The following ADARB1 variants were observed in gnomAD, a reference collection of about 807,000 sequenced individuals.
ADARB1 encodes double-stranded RNA-specific editase 1.
ADARB1 carries 10 observed loss-of-function variants against 52.4 expected under a neutral mutation model. That is an observed-to-expected ratio of 0.19 (90% CI 0.12 to 0.32). ADARB1 has a LOEUF of 0.32. Ranked by LOEUF, ADARB1 falls within the 10% of genes least tolerant of loss-of-function variation. The probability of loss-of-function intolerance (pLI) is 1.00; values close to 1 mark genes in which losing one functional copy is unlikely to be tolerated. For synonymous variants in ADARB1, 349 were observed against 371.1 expected (o/e 0.94, Z 0.68); for missense variants, 643 against 922.3 (o/e 0.70, Z 3.92).
chr21:45,155,748 C>G (rs1330912177), intron 2 of ADARB1, among the ~76,000 whole-genome samples: 1 of 104,768 alleles, frequency 9.5e-6, no homozygotes, highest in African/African-American at 3.7e-5. Context: ...CCCATCATCA[C>G]CTATCATCCA....
chr21:45,144,750 AG>A, intron 2 of ADARB1: 1 of 397,800 alleles, frequency 2.5e-6, no homozygotes. Context: ...GCAGTAAGAG[AG>A]CCAGTGCCCC....
chr21:45,078,895 G>A (rs1327600721), intron 1 of ADARB1, among the ~76,000 whole-genome samples: 1 of 152,048 alleles, frequency 6.6e-6, no homozygotes, highest in African/African-American at 2.4e-5. Context: ...CAAAAAGTAG[G>A]CATTATTATC....
rs11701976 is a variant in ADARB1, at chr21:45,224,684, A to G, written c.*2487A>G. 0.66 allele frequency: 594,071 copies of G among 893,922 alleles called. 190,626 individuals are homozygous for G. Among genetic ancestry groups the G allele is most frequent in the African/African-American group, 0.84 (40,556 of 48,038 alleles). 55.4% of individuals were successfully genotyped at this position (893,922 alleles called of 1,614,324 possible). A position where few individuals can be genotyped will look rare whatever the true frequency, so the allele number is the denominator to read the frequency against. ...GGTTCCGGGAGCCCTGGGCCGGGGC[A>G]GGGGGCGGCTGTAGGAAGGAACTGG... On this transcript the variant is annotated 3_prime_UTR_variant, in exon 11 of 11. Coordinates refer to ENST00000348831, the MANE Select transcript of ADARB1 (RefSeq NM_001112.4).
intron 4 of ADARB1, among the ~76,000 whole-genome samples, chr21:45,180,079 A>T (rs1695268870): frequency 6.6e-6 from 1 of 152,068 alleles, no homozygotes; most frequent in Admixed American, 6.5e-5. Context: ...TGGTGCCCAC[A>T]CTCCACACTG....
At chr21:45,178,505 G>C (rs981434365) in intron 4 of ADARB1, among the ~76,000 whole-genome samples, 1 of 152,234 alleles carries the variant, frequency 6.6e-6, no homozygotes, top group African/African-American at 2.4e-5. Flanking sequence ...CCCCAGGATA[G>C]CCCCGGAATG....
At chr21:45,178,853 C>A (rs2091811605) in intron 4 of ADARB1, among the ~76,000 whole-genome samples, 1 of 152,128 alleles carries the variant, frequency 6.6e-6, no homozygotes, top group African/African-American at 2.4e-5. Context: ...GGGTGCTGAG[C>A]CCTGGCCATG....
In ADARB1 at chr21:45,167,656, C is replaced by A. The variant is rs1601728144; in HGVS notation, c.-47-3954C>A. On this transcript the variant is annotated intron_variant, in intron 2 of 10. Transcript: ENST00000348831. ...ATCCCAGCTACTCGGGAGGCTGAGG[C>A]AGGCAGCTTGAACCTGGGAGGTAGA... Among the ~76,000 whole-genome samples, 3 of 152,230 alleles carry A rather than the reference C, an allele frequency of 2.0e-5. No homozygotes were observed. In the East Asian group the frequency reaches 5.8e-4, roughly 29 times the overall value.
Position 45,224,429 on chromosome 21 carries a change from C to T in ADARB1, c.*2232C>T, listed in dbSNP as rs1156857656. On this transcript the variant is annotated 3_prime_UTR_variant, in exon 11 of 11. Coordinates refer to ENST00000348831, the MANE Select transcript of ADARB1 (RefSeq NM_001112.4). ...TGCGGCCTTGAGGACAGGCACAGGG[C>T]ACCCTATCCCAAGCCGTCCAGGCAG... The T allele has an allele frequency of 6.9e-5, 63 of 917,914 alleles. No homozygotes were observed. The highest frequency in any genetic ancestry group is 7.3e-5 in the Non-Finnish European group (59 of 803,872). The allele number at this position is 917,914 out of a possible 1,614,324, so 56.9% of individuals were successfully genotyped here.
intron 1 of ADARB1, among the ~76,000 whole-genome samples, chr21:45,121,838 G>A (rs1460235691): frequency 2.0e-5 from 3 of 152,134 alleles, no homozygotes; most frequent in Non-Finnish European, 4.4e-5. Context: ...GTTGTTTTCT[G>A]TACGTATATG....
In ADARB1 at chr21:45,101,322, C is replaced by T. The variant is rs569721514; in HGVS notation, c.-220+26529C>T. ...CGTGTCCCCGCAGCCCCGCGCCTGG[C>T]GCTGCCAAGCTGCCCAGCGGGCTTT... On this transcript the variant is annotated intron_variant, in intron 1 of 10. Coordinates refer to ENST00000348831, the MANE Select transcript of ADARB1 (RefSeq NM_001112.4). Among the ~76,000 whole-genome samples, 9 of 152,314 alleles carry T rather than the reference C, an allele frequency of 5.9e-5. No individual in the cohort carries two copies. The East Asian group carries it at 1.5e-3, about 26-fold the overall frequency.
At chr21:45,075,075 CGCGCT>C (rs1354903429) in intron 1 of ADARB1, among the ~76,000 whole-genome samples, 2 of 149,512 alleles carry the variant, frequency 1.3e-5, no homozygotes, top group African/African-American at 2.5e-5. Context: ...TGGGATGCGC[CGCGCT>C]GCGCCGCGGG....
At chr21:45,089,154 C>T (rs1211684666) in intron 1 of ADARB1, among the ~76,000 whole-genome samples, 1 of 152,172 alleles carries the variant, frequency 6.6e-6, no homozygotes, top group Non-Finnish European at 1.5e-5. Flanking sequence ...TTTCTGATTT[C>T]GATATATCCT....
chr21:45,126,283 T>C (rs924313894), intron 1 of ADARB1, among the ~76,000 whole-genome samples: 1 of 152,182 alleles, frequency 6.6e-6, no homozygotes, highest in African/African-American at 2.4e-5. Context: ...AGCTGATGTG[T>C]GATGCACTGT....
intron 4 of ADARB1, among the ~76,000 whole-genome samples, chr21:45,178,730 G>T (rs2091805395): frequency 6.6e-6 from 1 of 152,172 alleles, no homozygotes; most frequent in African/African-American, 2.4e-5. Flanking sequence ...GGACTGTGTG[G>T]CATGGGTTTA....
chr21:45,103,101 A>T (rs2087097007), intron 1 of ADARB1, among the ~76,000 whole-genome samples: 2 of 152,282 alleles, frequency 1.3e-5, no homozygotes. Flanking sequence ...ACAGTCAAAA[A>T]CCAAGAAGAG....
At chr21:45,112,414 C>T (rs556291750) in intron 1 of ADARB1, among the ~76,000 whole-genome samples, 90 of 152,132 alleles carry the variant, frequency 5.9e-4, no homozygotes, top group Middle Eastern at 6.8e-3. Context: ...GGTGGACTTC[C>T]CCTATCCCTG....
chr21:45,143,496 T>C (rs1163047190), intron 2 of ADARB1, among the ~76,000 whole-genome samples: 13 of 152,190 alleles, frequency 8.5e-5, no homozygotes, highest in Admixed American at 8.5e-4. Flanking sequence ...TGTCCCCTAC[T>C]CTGGCCTGAG....
chr21:45,130,374 T>C (rs2088854005), intron 2 of ADARB1, among the ~76,000 whole-genome samples: 1 of 152,196 alleles, frequency 6.6e-6, no homozygotes, highest in African/African-American at 2.4e-5. Context: ...GAAGGAGATA[T>C]CTAAAGCATG....
At chr21:45,162,185 C>T (rs394872) in intron 2 of ADARB1, among the ~76,000 whole-genome samples, 77,750 of 152,058 alleles carry the variant, frequency 0.51, 19,989 homozygotes, top group South Asian at 0.56. Context: ...AGGGCAGTGA[C>T]GCCCCCTTTG....
Sources: allele counts gnomAD v4.1 joint callset (sites outside exome capture counted in the v4.1 genomes callset), GRCh38; gene constraint gnomAD v4.1.1; transcripts MANE v1.5; gene names NCBI Gene and HGNC (gene_info 2026-07-23, HGNC 2026-07-21).